Variants in MRPL13 observed in about 807,000 individuals in gnomAD.
MRPL13 encodes the protein large ribosomal subunit protein uL13m.
A neutral mutation model predicts 29.0 loss-of-function variants in MRPL13; 33 were observed. The observed-to-expected ratio is 1.14, with a 90% CI of 0.86 to 1.52. The LOEUF is 1.52. MRPL13 is among the 40% of genes most tolerant of loss of function. MRPL13 has a pLI of 0.00. For synonymous variants in MRPL13, 77 were observed against 68.4 expected (o/e 1.13, Z -0.62); for missense variants, 227 against 216.7 (o/e 1.05, Z -0.30).
In MRPL13 at chr8:120,435,567, A is replaced by G. The variant is rs1459867413; in HGVS notation, c.152-3444T>C. ...TTTTTTAATGGCTCTACAGTATTCT[A>G]TGGTGTATATGTACCACATTTTCTT... is the stretch of plus-strand genomic sequence containing the variant. On this transcript the variant is annotated intron_variant, in intron 2 of 6. Transcript: ENST00000306185. Among the ~76,000 whole-genome samples, 5 of 152,118 alleles carry G rather than the reference A, an allele frequency of 3.3e-5. 1 individual carries two copies. The highest frequency in any genetic ancestry group is 3.3e-4 in the Admixed American group (5 of 15,260).
At chr8:120,396,293 A>G (rs1812524300) in intron 6 of MRPL13, among the ~76,000 whole-genome samples, 168 bp from the exon 7 acceptor site, 1 of 152,180 alleles carries the variant, frequency 6.6e-6, no homozygotes, top group African/African-American at 2.4e-5. Flanking sequence ...TCAAATCTTT[A>G]TAAAGTAGAA....
At chr8:120,400,729 TAAATAAATAAATAAAA>T (rs1461805033) in intron 6 of MRPL13, among the ~76,000 whole-genome samples, 42 of 136,032 alleles carry the variant, frequency 3.1e-4, no homozygotes, top group African/African-American at 5.6e-4. Context: ...AATAAATAAA[TAAATAAATAAATAAAA>T]AAAATAGACT....
chr8:120,426,336 T>C (rs1007555668), intron 3 of MRPL13, among the ~76,000 whole-genome samples: 6 of 152,194 alleles, frequency 3.9e-5, no homozygotes, highest in African/African-American at 1.2e-4. Flanking sequence ...ATTTTAAAGA[T>C]GATTTAAGAA....
chr8:120,413,602 C>G (rs1204211474), intron 6 of MRPL13, among the ~76,000 whole-genome samples: 2 of 151,846 alleles, frequency 1.3e-5, no homozygotes, highest in African/African-American at 4.8e-5. Context: ...CTTTTTGGAC[C>G]AAGACAACAA....
At chr8:120,432,597 T>C (rs1489161393) in intron 2 of MRPL13, among the ~76,000 whole-genome samples, 2 of 152,062 alleles carry the variant, frequency 1.3e-5, no homozygotes, top group African/African-American at 4.8e-5. Flanking sequence ...AACATTACAA[T>C]TATTATTTTT....
chr8:120,419,955 G>A lies in MRPL13; in HGVS notation c.307-17C>T, dbSNP rs929706689. On this transcript the variant is annotated splice_polypyrimidine_tract_variant and intron_variant, in intron 4 of 6. Coordinates refer to ENST00000306185, the MANE Select transcript of MRPL13 (RefSeq NM_014078.6). ...TTTTACAATCTGAAAGATATACATA[G>A]GACACAATAAGAAAATTGTGACTTG... The A allele has an allele frequency of 2.7e-6, 4 of 1,498,968 alleles. No homozygotes were observed. Among genetic ancestry groups the A allele is most frequent in the Admixed American group, 2.1e-5 (1 of 48,084 alleles). 92.9% of individuals were successfully genotyped at this position (1,498,968 alleles called of 1,614,324 possible).
intron 6 of MRPL13, 102 bp from the exon 7 acceptor site, chr8:120,396,227 C>G: frequency 1.2e-6 from 1 of 841,454 alleles, no homozygotes; most frequent in South Asian, 1.7e-5. Flanking sequence ...AACTGTTCAC[C>G]AAGAAATAGC....
At chr8:120,410,703 C>T (rs900700994) in intron 6 of MRPL13, among the ~76,000 whole-genome samples, 5 of 152,146 alleles carry the variant, frequency 3.3e-5, no homozygotes, top group African/African-American at 4.8e-5. Context: ...AAGAGCCACA[C>T]GTCAACAGTA....
At chr8:120,433,906 G>A (rs1342773251) in intron 2 of MRPL13, among the ~76,000 whole-genome samples, 1 of 151,988 alleles carries the variant, frequency 6.6e-6, no homozygotes, top group African/African-American at 2.4e-5. Flanking sequence ...TGTACCAAAT[G>A]TAAATAAATC....
chr8:120,413,946 G>T, intron 6 of MRPL13, 45 bp downstream of exon 6: 1 of 1,463,206 alleles, frequency 6.8e-7, no homozygotes, highest in Middle Eastern at 1.8e-4. Flanking sequence ...TGAGGAAACA[G>T]AGGATATCAA....
At chr8:120,419,820 A>G (rs748182927) in intron 5 of MRPL13, 32 bp downstream of exon 5, 2 of 1,515,440 alleles carry the variant, frequency 1.3e-6, no homozygotes, top group Non-Finnish European at 1.8e-6. Flanking sequence ...AAAATTTTGG[A>G]AAAGCATTGT....
intron 6 of MRPL13, among the ~76,000 whole-genome samples, chr8:120,398,496 A>T (rs1812548641): frequency 6.6e-6 from 1 of 152,206 alleles, no homozygotes. Flanking sequence ...CCCCACTGAA[A>T]GGTAAGCCAC....
At chr8:120,398,487 C>T (rs1353444966) in intron 6 of MRPL13, among the ~76,000 whole-genome samples, 2 of 152,020 alleles carry the variant, frequency 1.3e-5, no homozygotes, top group Non-Finnish European at 2.9e-5. Context: ...CCCACAAAAC[C>T]CCACTGAAAG....
intron 6 of MRPL13, among the ~76,000 whole-genome samples, chr8:120,407,457 C>A (rs574618435): frequency 1.3e-5 from 2 of 151,924 alleles, no homozygotes; most frequent in African/African-American, 4.8e-5. Flanking sequence ...CCATCCTGGC[C>A]AACATGGTGA....
At position 120,425,286 on chromosome 8, in the gene MRPL13, A is replaced by G; in HGVS notation, c.306+20T>C. ...ATTGGTCTTTCCAAAGATGATTAAT[A>G]AAAAATACAAGAAACTTACTGCCAC... On this transcript the variant is annotated intron_variant, in intron 4 of 6. Coordinates refer to ENST00000306185, the MANE Select transcript of MRPL13 (RefSeq NM_014078.6). 6.3e-7 allele frequency: 1 copy of G among 1,596,766 alleles called. No homozygotes were observed. The highest frequency in any genetic ancestry group is 8.6e-7 in the Non-Finnish European group (1 of 1,165,520).
intron 4 of MRPL13, among the ~76,000 whole-genome samples, chr8:120,420,149 T>C (rs1812853120): frequency 1.3e-5 from 2 of 151,912 alleles, no homozygotes; most frequent in Admixed American, 6.6e-5. Context: ...TTATTGTTTA[T>C]TTAGAAAAAG....
chr8:120,408,533 T>C (rs1383066192), intron 6 of MRPL13, among the ~76,000 whole-genome samples: 2 of 152,130 alleles, frequency 1.3e-5, no homozygotes, highest in East Asian at 1.9e-4. Context: ...GGTAGGAAAG[T>C]TGGAAAGTAA....
intron 6 of MRPL13, among the ~76,000 whole-genome samples, chr8:120,406,295 G>A (rs764511069): frequency 6.6e-6 from 1 of 152,072 alleles, no homozygotes; most frequent in African/African-American, 2.4e-5. Context: ...TTAAAGTAAG[G>A]CCTGTTAAGA....
At position 120,419,836 on chromosome 8, in the gene MRPL13, A is replaced by G. The variant is rs369757173; in HGVS notation, c.393+16T>C. ...AAATTTTGGAAAAGCATTGTTACCAATGACCACTGACTTACCTCATCTGGA... is the reference window on the plus strand; with the variant it reads ...AAATTTTGGAAAAGCATTGTTACCAGTGACCACTGACTTACCTCATCTGGA... On this transcript the variant is annotated intron_variant, in intron 5 of 6. Transcript: ENST00000306185. 9.2e-5 allele frequency: 145 copies of G among 1,567,774 alleles called. No individual in the cohort carries two copies. In the African/African-American group the frequency reaches 1.8e-3, roughly 19 times the overall value.
Sources: allele counts gnomAD v4.1 joint callset (sites outside exome capture counted in the v4.1 genomes callset), GRCh38; gene constraint gnomAD v4.1.1; transcripts MANE v1.5; gene names NCBI Gene and HGNC (gene_info 2026-07-23, HGNC 2026-07-21).